The following ELAC2 variants were observed in gnomAD, a reference collection of about 807,000 sequenced individuals.
ELAC2 encodes zinc phosphodiesterase ELAC protein 2.
ELAC2 carries 92 observed loss-of-function variants against 105.2 expected under a neutral mutation model. The ratio of observed to expected loss-of-function variants is 0.87; its 90% CI spans 0.74 to 1.04. ELAC2 has a LOEUF of 1.04. Among genes scored for constraint, ELAC2 ranks in the 50% least tolerant of loss-of-function variants. ELAC2 has a pLI of 0.00. For synonymous variants in ELAC2, 468 were observed against 409.1 expected, an observed-to-expected ratio of 1.14 and a Z score of -1.74; for missense variants, 1,099 against 1,071.7, an observed-to-expected ratio of 1.03 and a Z score of -0.36.
intron 11 of ELAC2, among the ~76,000 whole-genome samples, chr17:13,004,533 G>A (rs188626420): frequency 7.9e-5 from 12 of 152,322 alleles, no homozygotes; most frequent in African/African-American, 2.4e-4. Flanking sequence ...CAGAGTGGCA[G>A]TTAGCCCAAA....
chr17:12,996,114 G>T (rs2040456317), intron 17 of ELAC2, 136 bp from the exon 18 acceptor site: 8 of 957,484 alleles, frequency 8.4e-6, no homozygotes, highest in South Asian at 2.8e-5. Flanking sequence ...CGCAGTGGGG[G>T]TGGCACAGGC....
At chr17:12,995,410 C>T (rs2040418781) in intron 19 of ELAC2, among the ~76,000 whole-genome samples, 1 of 152,242 alleles carries the variant, frequency 6.6e-6, no homozygotes, top group African/African-American at 2.4e-5. Flanking sequence ...TATTTGGGTG[C>T]TTGGCTCTGG....
intron 11 of ELAC2, 128 bp downstream of exon 11, chr17:13,004,861 G>GTAA: frequency 1.3e-6 from 1 of 798,698 alleles, no homozygotes; most frequent in South Asian, 1.3e-5. Flanking sequence ...AGGCAGGAGT[G>GTAA]CCGGCCTCTG....
chr17:13,017,990 C>A lies in ELAC2; in HGVS notation c.-43G>T. The A allele has an allele frequency of 3.9e-6, 6 of 1,534,026 alleles. No individual in the cohort carries two copies. Among genetic ancestry groups the A allele is most frequent in the Non-Finnish European group, 5.2e-6 (6 of 1,146,572 alleles). On this transcript the variant is annotated 5_prime_UTR_variant, in exon 1 of 24. Transcript: ENST00000338034. ...AACTGAGAAAGCCGCCGGTCACCTA[C>A]GCCCGCGTTTCCCGTGCACCACCTA... is the stretch of plus-strand genomic sequence containing the variant.
chr17:13,017,604 T>C (rs2041817142), intron 1 of ELAC2, 99 bp downstream of exon 1: 1 of 1,584,444 alleles, frequency 6.3e-7, no homozygotes, highest in East Asian at 2.3e-5. Context: ...GAACCACATG[T>C]GTGAAGCAGG....
At chr17:13,014,289 CCAAAAAAA>C in intron 5 of ELAC2, 142 bp downstream of exon 5, 1 of 554,726 alleles carries the variant, frequency 1.8e-6, no homozygotes, top group Admixed American at 3.2e-5. Flanking sequence ...AAGACTCTAT[CCAAAAAAA>C]AAAAAAAAAA....
chr17:13,016,459 T>C (rs1462013261), intron 3 of ELAC2, among the ~76,000 whole-genome samples: 2 of 152,174 alleles, frequency 1.3e-5, no homozygotes, highest in Non-Finnish European at 2.9e-5. Flanking sequence ...CAGCTTTTAA[T>C]GCTCTGTGCT....
rs1389790808 is a variant in ELAC2 at position 13,016,914 on chromosome 17, C to A, written c.315G>T (p.Leu105=). 1 of 1,614,124 alleles carries A rather than the reference C, an allele frequency of 6.2e-7. No homozygotes were observed. The highest frequency in any genetic ancestry group is 2.2e-5 in the East Asian group (1 of 44,880). Residue 105 remains leucine (L), a synonymous_variant, in exon 3 of 24, where the codon CTG becomes CTT. Transcript: ENST00000338034. ...GCATTCGTGTCAGGAATATGTTGTCCAGGCGAGCAACCTTTAACCTAAGAA... is the reference window on the plus strand; with the variant it reads ...GCATTCGTGTCAGGAATATGTTGTCAAGGCGAGCAACCTTTAACCTAAGAA... The part of the protein sequence containing the change: ...MQEHKLKVAR[L]DNIFLTRMHW...
At chr17:12,993,983 CCT>C (rs1215345103) in intron 22 of ELAC2, 152 bp from the exon 23 acceptor site, 54 of 1,092,096 alleles carry the variant, frequency 4.9e-5, no homozygotes, top group Middle Eastern at 5.3e-4. Context: ...CACAATCTCC[CCT>C]GAGGGCCAGA....
chr17:13,007,013 C>T (rs950652293), intron 8 of ELAC2, among the ~76,000 whole-genome samples: 7 of 151,198 alleles, frequency 4.6e-5, no homozygotes, highest in Non-Finnish European at 1.0e-4. Flanking sequence ...CCCAGCTACT[C>T]GGGAGGCTGA....
At position 12,992,146 on chromosome 17, in the gene ELAC2, G is replaced by GAT; in HGVS notation, c.*670_*671dup. Among the ~76,000 whole-genome samples, 1 of 150,222 alleles carries GAT rather than the reference G, an allele frequency of 6.7e-6. No homozygotes were observed. Among genetic ancestry groups the GAT allele is most frequent in the Non-Finnish European group, 1.5e-5 (1 of 67,820 alleles). On this transcript the variant is annotated 3_prime_UTR_variant, in exon 24 of 24. Transcript: ENST00000338034. Reference sequence around the variant, plus strand: ...GATTGATTTGATTGATTGATTGATTGATTGATAGAGAAAGCACGCCCTGCT... The same window carrying GAT: ...GATTGATTTGATTGATTGATTGATTGATATTGATAGAGAAAGCACGCCCTGCT...
At chr17:13,004,523 CAG>C (rs2143618705) in intron 11 of ELAC2, among the ~76,000 whole-genome samples, 1 of 152,330 alleles carries the variant, frequency 6.6e-6, no homozygotes, top group South Asian at 2.1e-4. Flanking sequence ...AGGACAACAA[CAG>C]AGTGGCAGTT....
At chr17:13,014,290 CAAAA>C (rs959230890) in intron 5 of ELAC2, 145 bp downstream of exon 5, 1,092 of 374,248 alleles carry the variant, frequency 2.9e-3, no homozygotes, top group East Asian at 5.2e-3. Flanking sequence ...AGACTCTATC[CAAAA>C]AAAAAAAAAA....
intron 8 of ELAC2, among the ~76,000 whole-genome samples, chr17:13,007,266 G>A (rs917633997): frequency 1.3e-5 from 2 of 151,990 alleles, no homozygotes; most frequent in African/African-American, 4.8e-5. Flanking sequence ...GCCTTTGAGT[G>A]CTAAATGACA....
chr17:12,994,905 GGCTCTGCA>G (rs2040393119), intron 20 of ELAC2, 21 bp from the exon 21 acceptor site: 2 of 1,613,986 alleles, frequency 1.2e-6, no homozygotes, highest in African/African-American at 2.7e-5. Flanking sequence ...GGGGCTGGAG[GGCTCTGCA>G]GCTCTGCTCC....
Position 12,995,944 on chromosome 17 carries a change from G to T in ELAC2, c.1694C>A (p.Ala565Asp), listed in dbSNP as rs2143563789. ...CCCATCAAGTGCCACACTTACCAAG[G>T]CGCGTTCTCTCTGCAGCAAGATACT... is the stretch of plus-strand genomic sequence containing the variant. Reference protein sequence around the residue: ...LPSILLQRERALASLGKPLHP... With the variant: ...LPSILLQRERDLASLGKPLHP... The change falls in exon 18 of 24, where the codon GCC (alanine) becomes GAC (aspartate). Residue 565 changes from alanine (A) to aspartate (D), a missense_variant. By Grantham distance (126) the Ala-to-Asp change is moderately radical. Coordinates refer to ENST00000338034, the MANE Select transcript of ELAC2 (RefSeq NM_018127.7). 1.3e-6 allele frequency: 2 copies of T among 1,595,956 alleles called. No individual in the cohort carries two copies. Among genetic ancestry groups the T allele is most frequent in the Non-Finnish European group, 1.7e-6 (2 of 1,169,890 alleles).
Position 12,992,460 on chromosome 17 carries a change from T to G in ELAC2, c.*358A>C, listed in dbSNP as rs930772578. 1 of 429,206 alleles carries G rather than the reference T, an allele frequency of 2.3e-6. No individual in the cohort carries two copies. The highest frequency in any genetic ancestry group is 2.6e-5 in the South Asian group (1 of 38,336). 26.6% of individuals were successfully genotyped at this position (429,206 alleles called of 1,614,324 possible). A position where few individuals can be genotyped will look rare whatever the true frequency, so the allele number is the denominator to read the frequency against. On this transcript the variant is annotated 3_prime_UTR_variant, in exon 24 of 24. Transcript: ENST00000338034. Reference sequence around the variant, plus strand: ...AGTCTCGGACACTTAGACCCACTGATCCTGTTACTCTGCTTGTCTCTGGTG... The same window carrying G: ...AGTCTCGGACACTTAGACCCACTGAGCCTGTTACTCTGCTTGTCTCTGGTG...
Position 13,000,180 on chromosome 17 carries a change from C to T in ELAC2, c.1399G>A (p.Ala467Thr). ...CCTGCTGGGGCTGGGCCGTCCTGCGCACTCCTCCTGTACTCCTGCACGCTC... is the reference window on the plus strand; with the variant it reads ...CCTGCTGGGGCTGGGCCGTCCTGCGTACTCCTCCTGTACTCCTGCACGCTC... Reference protein sequence around the residue: ...QQSVQEYRRSAQDGPAPAEKR... With the variant: ...QQSVQEYRRSTQDGPAPAEKR... The change falls in exon 15 of 24, where the codon GCG (alanine) becomes ACG (threonine). Residue 467 changes from alanine (A) to threonine (T), a missense_variant. Physicochemically the swap from Ala to Thr is moderately conservative, Grantham distance 58. Coordinates refer to ENST00000338034, the MANE Select transcript of ELAC2 (RefSeq NM_018127.7). 1 of 1,613,888 alleles carries T rather than the reference C, an allele frequency of 6.2e-7. No homozygotes were observed. Among genetic ancestry groups the T allele is most frequent in the Non-Finnish European group, 8.5e-7 (1 of 1,180,040 alleles).
chr17:13,002,539 A>T lies in ELAC2; in HGVS notation c.1120T>A (p.Cys374Ser), dbSNP rs749947776. ...DTQHLVLNEN[C>S]ASVHNLRSHK... ...CTGCGAAGGTTGTGAACTGAGGCACAGTTCTCATTCAGGACCAAGTGCTGG... is the reference window on the plus strand; with the variant it reads ...CTGCGAAGGTTGTGAACTGAGGCACTGTTCTCATTCAGGACCAAGTGCTGG... Residue 374 changes from cysteine (C) to serine (S), a missense_variant, in exon 13 of 24, where the codon TGT becomes AGT. Coordinates refer to ENST00000338034, the MANE Select transcript of ELAC2 (RefSeq NM_018127.7). 5 of 1,605,986 alleles carry T rather than the reference A, an allele frequency of 3.1e-6. No individual in the cohort carries two copies. In the East Asian group the frequency reaches 8.9e-5, roughly 29 times the overall value.
Sources: gnomAD v4.1 joint callset for allele counts (sites outside exome capture counted in the v4.1 genomes callset) on GRCh38, gnomAD v4.1.1 for gene constraint, MANE v1.5 for transcripts, NCBI Gene and HGNC (gene_info 2026-07-23, HGNC 2026-07-21) for gene names.